The following DAB1 variants were observed in gnomAD, a reference collection of about 807,000 sequenced individuals.
DAB1 encodes the protein DAB adaptor protein 1.
Under a neutral mutation model 64.6 loss-of-function variants are expected in DAB1, and 15 were observed. That is an observed-to-expected ratio of 0.23 (90% CI 0.16 to 0.36). The LOEUF (loss-of-function observed/expected upper bound fraction) is 0.36, where lower values mean the gene tolerates loss of function less well. Among genes scored for constraint, DAB1 ranks in the 10% least tolerant of loss-of-function variants. The probability of loss-of-function intolerance (pLI) is 1.00; values close to 1 mark genes in which losing one functional copy is unlikely to be tolerated. For missense variants in DAB1, 596 were observed against 706.7 expected, an observed-to-expected ratio of 0.84 and a Z score of 1.78; for synonymous variants, 235 against 251.9, an observed-to-expected ratio of 0.93 and a Z score of 0.64.
chr1:57,057,764 T>A (rs533266438), intron 9 of DAB1, among the ~76,000 whole-genome samples: 3 of 123,546 alleles, frequency 2.4e-5, no homozygotes, highest in Admixed American at 8.9e-5. Context: ...CCTGCCACCA[T>A]GCCTGGCTAA....
chr1:57,951,317 C>CATACATATATATATATATATATATATAT (rs1645271639), intron 5 of DAB1, among the ~76,000 whole-genome samples: 2 of 69,810 alleles, frequency 2.9e-5, no homozygotes, highest in African/African-American at 8.3e-5. Flanking sequence ...GAGCCTGATT[C>CATACATATATATATATATATATATATAT]ATATATATAT....
intron 3 of DAB1, among the ~76,000 whole-genome samples, chr1:58,387,569 C>G (rs911551549): frequency 6.6e-6 from 1 of 152,068 alleles, no homozygotes; most frequent in Admixed American, 6.5e-5. Context: ...ATAAAGTTCC[C>G]CAGATAATCT....
At chr1:57,551,171 A>T (rs1237331682) in intron 7 of DAB1, among the ~76,000 whole-genome samples, 1 of 152,184 alleles carries the variant, frequency 6.6e-6, no homozygotes, top group Non-Finnish European at 1.5e-5. Flanking sequence ...CGCCACTAAC[A>T]TTATCTCCCA....
At chr1:57,880,177 T>A (rs1644121996) in intron 1 of DAB1, 1 of 146,960 alleles carries the variant, frequency 6.8e-6, no homozygotes, top group African/African-American at 2.5e-5. Flanking sequence ...GAACTGCAAA[T>A]CCTCCCAGCC....
At chr1:58,003,223 C>T (rs1017548163) in intron 5 of DAB1, among the ~76,000 whole-genome samples, 1 of 152,242 alleles carries the variant, frequency 6.6e-6, no homozygotes, top group African/African-American at 2.4e-5. Context: ...AGTAGGAACT[C>T]AAAATAAGCC....
At position 57,067,728 on chromosome 1, in the gene DAB1, A is replaced by C. The variant is rs532632468; in HGVS notation, c.663+1632T>G. On this transcript the variant is annotated intron_variant, in intron 8 of 14. Transcript: ENST00000371236. Reference sequence around the variant, plus strand: ...TTACTTGCTCATTTTACAGATGAGTAAACTGAAGCCCAGAGGAAAAAAAAA... The same window carrying C: ...TTACTTGCTCATTTTACAGATGAGTCAACTGAAGCCCAGAGGAAAAAAAAA... Among the ~76,000 whole-genome samples the C allele has an allele frequency of 5.9e-5, 9 of 152,328 alleles. No homozygotes were observed. In the South Asian group the frequency reaches 1.9e-3, roughly 32 times the overall value.
chr1:58,204,570 G>T (rs1658165928), intron 4 of DAB1, among the ~76,000 whole-genome samples: 1 of 152,172 alleles, frequency 6.6e-6, no homozygotes, highest in Non-Finnish European at 1.5e-5. Flanking sequence ...GTGGGCAGCT[G>T]CAGCTCAATC....
chr1:58,454,797 G>C (rs925280038), intron 3 of DAB1, among the ~76,000 whole-genome samples: 1 of 152,108 alleles, frequency 6.6e-6, no homozygotes, highest in African/African-American at 2.4e-5. Flanking sequence ...ACAGTAAAGC[G>C]CTTTTCTCCT....
intron 2 of DAB1, among the ~76,000 whole-genome samples, chr1:57,178,747 A>C (rs1325277580): frequency 2.0e-5 from 3 of 152,058 alleles, no homozygotes; most frequent in Non-Finnish European, 4.4e-5. Context: ...GAGGTTAACC[A>C]TTTATGTTTT....
chr1:58,213,579 G>T (rs142956994), intron 4 of DAB1, among the ~76,000 whole-genome samples: 2,289 of 151,914 alleles, frequency 0.015, 25 homozygotes, highest in Middle Eastern at 0.027. Flanking sequence ...GAACAGCATG[G>T]TGGTAACCAC....
intron 3 of DAB1, among the ~76,000 whole-genome samples, chr1:58,458,653 A>T (rs1456566342): frequency 6.6e-6 from 1 of 152,142 alleles, no homozygotes; most frequent in Non-Finnish European, 1.5e-5. Flanking sequence ...AAACTACAAA[A>T]ATTAGCTGGG....
chr1:58,075,609 C>A (rs1240741339), intron 5 of DAB1, among the ~76,000 whole-genome samples: 11 of 152,230 alleles, frequency 7.2e-5, no homozygotes, highest in Admixed American at 6.5e-4. Context: ...TTTGTTACTG[C>A]AGCATAAATT....
intron 3 of DAB1, among the ~76,000 whole-genome samples, chr1:58,356,673 G>A (rs1644114461): frequency 6.6e-6 from 1 of 152,120 alleles, no homozygotes; most frequent in Admixed American, 6.5e-5. Context: ...GACCAGAGCT[G>A]AAAGTTTGGA....
At chr1:57,674,430 A>T (rs1646542960) in intron 6 of DAB1, among the ~76,000 whole-genome samples, 1 of 152,200 alleles carries the variant, frequency 6.6e-6, no homozygotes, top group African/African-American at 2.4e-5. Context: ...TGGCAAGCAC[A>T]TCAGTGTTTC....
At chr1:57,965,879 T>C (rs772356027) in intron 5 of DAB1, among the ~76,000 whole-genome samples, 1 of 152,158 alleles carries the variant, frequency 6.6e-6, no homozygotes, top group Non-Finnish European at 1.5e-5. Flanking sequence ...GTACTTGTTA[T>C]GTGCATTGTG....
At chr1:58,235,816 C>G (rs1479072725) in intron 4 of DAB1, among the ~76,000 whole-genome samples, 1 of 152,196 alleles carries the variant, frequency 6.6e-6, no homozygotes, top group African/African-American at 2.4e-5. Flanking sequence ...CCAGTGACTG[C>G]AGTCTGGAGA....
At chr1:57,294,321 C>A (rs1673020120) in intron 1 of DAB1, among the ~76,000 whole-genome samples, 1 of 152,138 alleles carries the variant, frequency 6.6e-6, no homozygotes, top group South Asian at 2.1e-4. Context: ...TTATAATGAG[C>A]TCTTCAAATC....
Position 57,422,312 on chromosome 1 carries a change from C to G in DAB1, c.-137+1618G>C, listed in dbSNP as rs1008209637. Among the ~76,000 whole-genome samples the G allele has an allele frequency of 2.0e-5, 3 of 152,196 alleles. No individual in the cohort carries two copies. The South Asian group carries it at 6.2e-4, about 31-fold the overall frequency. On this transcript the variant is annotated intron_variant, in intron 1 of 14. Transcript: ENST00000371236. ...AGAAACGACGGCGCGGATTCTCGCC[C>G]CGGTCCCCGCCGGCTGGCTAGGAGC...
At chr1:57,930,117 G>A (rs1159917331) in intron 5 of DAB1, among the ~76,000 whole-genome samples, 1 of 152,210 alleles carries the variant, frequency 6.6e-6, no homozygotes, top group Non-Finnish European at 1.5e-5. Context: ...GCAGGTGGAT[G>A]TCCAGTTGTT....
Sources: allele counts gnomAD v4.1 joint callset (sites outside exome capture counted in the v4.1 genomes callset), GRCh38; gene constraint gnomAD v4.1.1; transcripts MANE v1.5; gene names NCBI Gene and HGNC (gene_info 2026-07-23, HGNC 2026-07-21).